The following PCDH15 variants were observed in gnomAD, a reference collection of about 807,000 sequenced individuals.
The protein encoded by PCDH15 is protocadherin-15.
In PCDH15, 129 loss-of-function variants were observed where a neutral mutation model predicts 178.5. The observed-to-expected ratio is 0.72, with a 90% CI of 0.63 to 0.84. The LOEUF (loss-of-function observed/expected upper bound fraction) is 0.84, where lower values mean the gene tolerates loss of function less well. Among genes scored for constraint, PCDH15 ranks in the 40% least tolerant of loss-of-function variants. PCDH15 has a pLI of 0.00. For missense variants in PCDH15, 2,230 were observed against 2,099.9 expected (o/e 1.06, Z -1.21); for synonymous variants, 800 against 732.0 (o/e 1.09, Z -1.50).
At chr10:53,829,052 A>G (rs1179875517) in intron 30 of PCDH15, among the ~76,000 whole-genome samples, 1 of 152,168 alleles carries the variant, frequency 6.6e-6, no homozygotes, top group African/African-American at 2.4e-5. Flanking sequence ...GACAGTTTTT[A>G]CATATTTGCT....
chr10:54,304,721 G>C (rs11004212), intron 8 of PCDH15, among the ~76,000 whole-genome samples: 40,042 of 151,936 alleles, frequency 0.26, 6,621 homozygotes, highest in Middle Eastern at 0.38. Context: ...AAAAATAAGC[G>C]ATAGGGAGCA....
At chr10:53,857,856 CT>C (rs1387278076) in intron 27 of PCDH15, among the ~76,000 whole-genome samples, 1 of 151,844 alleles carries the variant, frequency 6.6e-6, no homozygotes, top group East Asian at 1.9e-4. Flanking sequence ...TACTGAATTT[CT>C]TCTATGTTCT....
At chr10:54,518,175 T>C (rs895549513) in intron 3 of PCDH15, among the ~76,000 whole-genome samples, 1 of 151,910 alleles carries the variant, frequency 6.6e-6, no homozygotes, top group African/African-American at 2.4e-5. Context: ...AGCAAACACA[T>C]TCAAAAGCTA....
intron 24 of PCDH15, among the ~76,000 whole-genome samples, chr10:53,940,014 C>T (rs2085913295): frequency 1.3e-5 from 2 of 152,096 alleles, no homozygotes; most frequent in African/African-American, 4.8e-5. Context: ...CCACTTGCTA[C>T]ACTACACGGG....
intron 2 of PCDH15, among the ~76,000 whole-genome samples, chr10:55,113,535 G>A (rs1162684775): frequency 1.3e-5 from 2 of 152,072 alleles, no homozygotes; most frequent in Non-Finnish European, 2.9e-5. Flanking sequence ...GCTTCAAAAT[G>A]CATTTTACAA....
chr10:54,241,843 G>C (rs748087545), intron 8 of PCDH15, among the ~76,000 whole-genome samples: 1 of 147,902 alleles, frequency 6.8e-6, no homozygotes, highest in African/African-American at 2.5e-5. Flanking sequence ...AAAGTCTTCT[G>C]TGAAAATACT....
chr10:54,112,081 T>C (rs1269082538), intron 15 of PCDH15, among the ~76,000 whole-genome samples: 2 of 151,828 alleles, frequency 1.3e-5, no homozygotes. Context: ...AGGTGGAGGT[T>C]GCAGTGAGTC....
At chr10:55,488,334 T>A (rs1840342502) in intron 2 of PCDH15, among the ~76,000 whole-genome samples, 1 of 151,540 alleles carries the variant, frequency 6.6e-6, no homozygotes, top group Non-Finnish European at 1.5e-5. Context: ...CTTATGAGAG[T>A]GTCTACAGTG....
chr10:54,644,405 C>G (rs969644591), intron 2 of PCDH15, among the ~76,000 whole-genome samples: 1 of 151,342 alleles, frequency 6.6e-6, no homozygotes, highest in African/African-American at 2.4e-5. Flanking sequence ...AAAAATTCAT[C>G]TATTTGTTGA....
intron 3 of PCDH15, among the ~76,000 whole-genome samples, chr10:54,471,228 T>G (rs1294948856): frequency 6.6e-6 from 1 of 152,044 alleles, no homozygotes; most frequent in East Asian, 1.9e-4. Flanking sequence ...ATAAAGAACT[T>G]CATCCTCATC....
Position 54,398,525 on chromosome 10 carries a change from A to C in PCDH15, c.158-19583T>G, listed in dbSNP as rs1435311104. The stretch of plus-strand genomic sequence containing the variant: ...AAAATGAACCATGATAAAATCTATC[A>C]CAGCAGGAAAATTTTAGAAAAGGTC... On this transcript the variant is annotated intron_variant, in intron 3 of 37. Coordinates refer to ENST00000644397, the MANE Select transcript of PCDH15 (RefSeq NM_001384140.1). Among the ~76,000 whole-genome samples, 13 of 152,166 alleles carry C rather than the reference A, an allele frequency of 8.5e-5. No homozygotes were observed. The East Asian group carries it at 2.3e-3, about 27-fold the overall frequency.
At chr10:54,427,930 A>C (rs1240253982) in intron 3 of PCDH15, among the ~76,000 whole-genome samples, 1 of 152,240 alleles carries the variant, frequency 6.6e-6, no homozygotes, top group Non-Finnish European at 1.5e-5. Flanking sequence ...TCAGCATAAG[A>C]AACACTGAAG....
At chr10:54,843,392 G>A (rs868175709) in intron 3 of PCDH15, among the ~76,000 whole-genome samples, 2 of 151,954 alleles carry the variant, frequency 1.3e-5, no homozygotes, top group African/African-American at 4.8e-5. Flanking sequence ...CTTCTGACAT[G>A]CTCGAGCTGG....
chr10:54,628,293 C>T (rs1471653557), intron 2 of PCDH15, among the ~76,000 whole-genome samples: 1 of 152,086 alleles, frequency 6.6e-6, no homozygotes, highest in Non-Finnish European at 1.5e-5. Context: ...ATATTCTTCC[C>T]ACATAAATTA....
At chr10:54,968,569 T>A (rs1307284622) in intron 2 of PCDH15, among the ~76,000 whole-genome samples, 1 of 152,144 alleles carries the variant, frequency 6.6e-6, no homozygotes, top group Non-Finnish European at 1.5e-5. Context: ...TTAACTTTTA[T>A]CTTTGGCTTT....
At chr10:54,853,422 T>TATATATATATACACATACAC (rs1953677974) in intron 3 of PCDH15, among the ~76,000 whole-genome samples, 2 of 138,290 alleles carry the variant, frequency 1.4e-5, no homozygotes, top group African/African-American at 2.7e-5. Flanking sequence ...TACACATACA[T>TATATATATATACACATACAC]ATATATATAC....
rs777483152 is a variant in PCDH15 at position 54,591,523 on chromosome 10, G to A, written c.92-63646C>T. Among the ~76,000 whole-genome samples, 55 of 152,104 alleles carry A rather than the reference G, an allele frequency of 3.6e-4. 1 individual carries two copies. Among genetic ancestry groups the A allele is most frequent in the Admixed American group, 2.0e-4 (3 of 15,246 alleles). On this transcript the variant is annotated intron_variant, in intron 2 of 37. Coordinates refer to ENST00000644397, the MANE Select transcript of PCDH15 (RefSeq NM_001384140.1). Reference sequence around the variant, plus strand: ...TTGCCAATTTAACCTGATTTTAATCGTCAGACCTGTGTCAAGCATGTGACT... The same window carrying A: ...TTGCCAATTTAACCTGATTTTAATCATCAGACCTGTGTCAAGCATGTGACT...
rs1449626348 is a variant in PCDH15, at chr10:53,810,621, G to C, written c.4606C>G (p.Pro1536Ala). 3.7e-6 allele frequency: 6 copies of C among 1,613,782 alleles called. No homozygotes were observed. The Admixed American group carries it at 8.3e-5, about 22-fold the overall frequency. Residue 1536 changes from proline (P) to alanine (A), a missense_variant, in exon 37 of 38, where the codon CCA becomes GCA. Coordinates refer to ENST00000644397, the MANE Select transcript of PCDH15 (RefSeq NM_001384140.1). ...QYGSRRRLLP[P>A]AGQEEYGEVV... Reference sequence around the variant, plus strand: ...TCACCATATTCCTCCTGTCCAGCTGGTGGTAACAATCGACGGCGACTCCCA... The same window carrying C: ...TCACCATATTCCTCCTGTCCAGCTGCTGGTAACAATCGACGGCGACTCCCA...
At chr10:54,422,380 G>A (rs1955647130) in intron 3 of PCDH15, among the ~76,000 whole-genome samples, 2 of 152,208 alleles carry the variant, frequency 1.3e-5, no homozygotes, top group Non-Finnish European at 2.9e-5. Flanking sequence ...GTGAATGTAT[G>A]TAGTTCCTAG....
Sources: allele counts gnomAD v4.1 joint callset (sites outside exome capture counted in the v4.1 genomes callset), GRCh38; gene constraint gnomAD v4.1.1; transcripts MANE v1.5; gene names NCBI Gene and HGNC (gene_info 2026-07-23, HGNC 2026-07-21).